The following UNC13C variants were observed in gnomAD, a reference collection of about 807,000 sequenced individuals.
UNC13C encodes unc-13 homolog C, also known as protein unc-13 homolog C.
UNC13C carries 174 observed loss-of-function variants against 245.4 expected under a neutral mutation model. The observed-to-expected ratio is 0.71, with a 90% CI of 0.63 to 0.80. The LOEUF (loss-of-function observed/expected upper bound fraction) is 0.80. Ranked by LOEUF, UNC13C falls within the 30% of genes least tolerant of loss-of-function variation. UNC13C has a pLI of 0.00. For missense variants in UNC13C, 2,829 were observed against 2,602.9 expected, an observed-to-expected ratio of 1.09 and a Z score of -1.89; for synonymous variants, 992 against 895.1, an observed-to-expected ratio of 1.11 and a Z score of -1.93.
the UNC13C span, among the ~76,000 whole-genome samples, chr15:53,899,629 A>T: frequency 6.6e-6 from 1 of 152,024 alleles, no homozygotes; most frequent in Non-Finnish European, 1.5e-5. Flanking sequence ...GTTGCCCAGG[A>T]TCTCGGCTCA....
chr15:54,553,158 T>A (rs868505616), intron 28 of UNC13C, among the ~76,000 whole-genome samples: 4 of 110,556 alleles, frequency 3.6e-5, no homozygotes, highest in Admixed American at 2.5e-4. Context: ...ACAATATATA[T>A]TATATACTGT....
At chr15:54,488,040 T>A (rs1893515386) in intron 19 of UNC13C, among the ~76,000 whole-genome samples, 1 of 152,116 alleles carries the variant, frequency 6.6e-6, no homozygotes, top group South Asian at 2.1e-4. Flanking sequence ...TATAAGATCT[T>A]TATAAAGTTT....
chr15:54,114,329 C>T (rs978361182), intron 2 of UNC13C, among the ~76,000 whole-genome samples: 5 of 152,148 alleles, frequency 3.3e-5, no homozygotes, highest in African/African-American at 1.2e-4. Context: ...ATCCTTCCTT[C>T]CTTAGGGGCA....
intron 17 of UNC13C, among the ~76,000 whole-genome samples, chr15:54,373,898 C>T (rs934102264): frequency 3.3e-5 from 5 of 152,062 alleles, no homozygotes; most frequent in Non-Finnish European, 5.9e-5. Context: ...CTTTATTGAG[C>T]AACAGTACAG....
At chr15:54,002,745 C>T (rs556399006) in intron 1 of UNC13C, among the ~76,000 whole-genome samples, 1 of 152,292 alleles carries the variant, frequency 6.6e-6, no homozygotes, top group East Asian at 1.9e-4. Context: ...CAAACAGTTT[C>T]CAATTCCAGA....
chr15:54,625,057 G>A lies in UNC13C; in HGVS notation c.6359+1103G>A, dbSNP rs1285637885. Among the ~76,000 whole-genome samples, 4 of 152,010 alleles carry A rather than the reference G, an allele frequency of 2.6e-5. No individual in the cohort carries two copies. The East Asian group carries it at 5.8e-4, about 22-fold the overall frequency. Reference sequence around the variant, plus strand: ...AGAACTATTCATTTCTTTTCAGTTTGATGTATACATTTCAAGTATACATCA... The same window carrying A: ...AGAACTATTCATTTCTTTTCAGTTTAATGTATACATTTCAAGTATACATCA... On this transcript the variant is annotated intron_variant, in intron 32 of 32. Transcript: ENST00000260323.
chr15:53,861,205 C>T, the UNC13C span, among the ~76,000 whole-genome samples: 1 of 152,072 alleles, frequency 6.6e-6, no homozygotes, highest in African/African-American at 2.4e-5. Flanking sequence ...TGTTCAAGGA[C>T]TCTATATGTG....
chr15:53,915,580 C>CTCAAACTCAAAAAACTCA, the UNC13C span, among the ~76,000 whole-genome samples: 1 of 152,098 alleles, frequency 6.6e-6, no homozygotes, highest in Non-Finnish European at 1.5e-5. Flanking sequence ...ACTCAAAACA[C>CTCAAACTCAAAAAACTCA]AAATGGCAAA....
chr15:54,463,012 C>T (rs575927130), intron 19 of UNC13C, among the ~76,000 whole-genome samples: 9 of 152,010 alleles, frequency 5.9e-5, no homozygotes, highest in Admixed American at 2.6e-4. Context: ...TTTGTGGATG[C>T]ATCAATCAGC....
the UNC13C span, among the ~76,000 whole-genome samples, chr15:53,880,821 C>A: frequency 6.6e-6 from 1 of 151,780 alleles, no homozygotes; most frequent in Non-Finnish European, 1.5e-5. Flanking sequence ...CCCTCCATTG[C>A]CTCTTACTCT....
At chr15:53,922,357 A>G in the UNC13C span, among the ~76,000 whole-genome samples, 11 of 152,254 alleles carry the variant, frequency 7.2e-5, no homozygotes, top group Non-Finnish European at 1.3e-4. Context: ...GAAATCCAAC[A>G]CATATTCACT....
intron 17 of UNC13C, among the ~76,000 whole-genome samples, chr15:54,384,075 C>G (rs1224733312): frequency 3.9e-5 from 6 of 151,988 alleles, no homozygotes; most frequent in Non-Finnish European, 8.8e-5. Context: ...TTGAAATGAC[C>G]ATACTACCCA....
chr15:54,266,581 C>A (rs2068820322), intron 10 of UNC13C, among the ~76,000 whole-genome samples: 1 of 151,974 alleles, frequency 6.6e-6, no homozygotes, highest in Non-Finnish European at 1.5e-5. Context: ...ATCATGTAGA[C>A]AAGATGCAGC....
chr15:54,115,196 G>T (rs951785434), intron 2 of UNC13C, among the ~76,000 whole-genome samples: 6 of 152,066 alleles, frequency 3.9e-5, no homozygotes. Context: ...TTAGCTCACT[G>T]TTATACATAT....
At chr15:53,985,855 G>A (rs921670835) in intron 1 of UNC13C, among the ~76,000 whole-genome samples, 1 of 152,028 alleles carries the variant, frequency 6.6e-6, no homozygotes, top group South Asian at 2.1e-4. Context: ...CATTGGGTGT[G>A]TATCCCTTAT....
In UNC13C at chr15:54,337,269, A is replaced by G. The variant is rs61502810; in HGVS notation, c.4585-1092A>G. Among the ~76,000 whole-genome samples the G allele has an allele frequency of 4.1e-3, 621 of 152,304 alleles. 26 individuals carry two copies. The East Asian group carries it at 0.088, about 22-fold the overall frequency. ...CTTGGACCTCTTCTCTTCACTATCC[A>G]TACTCAACCAGCGTTGTTTCTTTAT... On this transcript the variant is annotated intron_variant, in intron 16 of 32. Coordinates refer to ENST00000260323, the MANE Select transcript of UNC13C (RefSeq NM_001080534.3).
At chr15:54,241,782 C>A (rs1311423652) in intron 7 of UNC13C, among the ~76,000 whole-genome samples, 2 of 152,128 alleles carry the variant, frequency 1.3e-5, no homozygotes, top group East Asian at 1.9e-4. Context: ...AACTTGTGAT[C>A]GGGGCTGCAG....
intron 19 of UNC13C, among the ~76,000 whole-genome samples, chr15:54,427,694 T>C (rs2040787169): frequency 6.6e-6 from 1 of 151,922 alleles, no homozygotes; most frequent in Non-Finnish European, 1.5e-5. Context: ...ACCAAAATAC[T>C]TTTTGTGAAA....
intron 2 of UNC13C, among the ~76,000 whole-genome samples, chr15:54,059,058 G>C (rs1394003296): frequency 2.6e-5 from 4 of 152,136 alleles, no homozygotes; most frequent in Non-Finnish European, 5.9e-5. Flanking sequence ...GCACAAGACA[G>C]GGATGCCCTC....
Sources: allele counts gnomAD v4.1 joint callset (sites outside exome capture counted in the v4.1 genomes callset), GRCh38; gene constraint gnomAD v4.1.1; transcripts MANE v1.5; gene names NCBI Gene and HGNC (gene_info 2026-07-23, HGNC 2026-07-21).